Variants in PTPRO observed in about 807,000 individuals in gnomAD.
PTPRO encodes protein tyrosine phosphatase receptor type O.
PTPRO carries 62 observed loss-of-function variants against 145.2 expected under a neutral mutation model. The observed-to-expected ratio is 0.43, with a 90% CI of 0.35 to 0.53. The LOEUF is 0.53. Ranked by LOEUF, PTPRO falls within the 20% of genes least tolerant of loss-of-function variation. The pLI, the probability that PTPRO is intolerant of heterozygous loss-of-function variation, is 0.01. For synonymous variants in PTPRO, 565 were observed against 514.7 expected (o/e 1.10, Z -1.32); for missense variants, 1,345 against 1,482.7 (o/e 0.91, Z 1.53).
At chr12:15,512,102 T>A (rs1591668740) in intron 7 of PTPRO, among the ~76,000 whole-genome samples, 2 of 151,862 alleles carry the variant, frequency 1.3e-5, no homozygotes, top group Admixed American at 1.3e-4. Context: ...GAGCAATGTT[T>A]TTTTGTTTGT....
chr12:15,355,762 T>A (rs947145667), intron 1 of PTPRO, among the ~76,000 whole-genome samples: 1 of 152,230 alleles, frequency 6.6e-6, no homozygotes, highest in African/African-American at 2.4e-5. Context: ...GGGTTAAACA[T>A]CTTTGTAAGT....
chr12:15,554,117 A>G (rs10846206), intron 15 of PTPRO, among the ~76,000 whole-genome samples: 55,658 of 151,874 alleles, frequency 0.37, 10,272 homozygotes, highest in Middle Eastern at 0.5. Flanking sequence ...AGAGGTTGCG[A>G]TGAGCCGAGA....
chr12:15,511,843 C>A (rs1477418629), intron 7 of PTPRO, among the ~76,000 whole-genome samples: 1 of 152,142 alleles, frequency 6.6e-6, no homozygotes, highest in Non-Finnish European at 1.5e-5. Flanking sequence ...GGATTACAGG[C>A]GTGAGCCACC....
chr12:15,357,227 A>G (rs1295687478), intron 1 of PTPRO, among the ~76,000 whole-genome samples: 1 of 152,234 alleles, frequency 6.6e-6, no homozygotes, highest in Non-Finnish European at 1.5e-5. Flanking sequence ...TGCATGCCAA[A>G]GTATTCTGAC....
chr12:15,334,210 ATTGT>A (rs1006861124), intron 1 of PTPRO, among the ~76,000 whole-genome samples: 6 of 152,110 alleles, frequency 3.9e-5, no homozygotes, highest in East Asian at 1.9e-4. Flanking sequence ...TGGAAATTTT[ATTGT>A]TTATTTTTTT....
intron 2 of PTPRO, among the ~76,000 whole-genome samples, chr12:15,496,626 A>T (rs1360811746): frequency 6.6e-6 from 1 of 152,188 alleles, no homozygotes; most frequent in South Asian, 2.1e-4. Context: ...TGAACTACTC[A>T]AGCAAAATAG....
At position 15,594,946 on chromosome 12, in the gene PTPRO, A is replaced by C. The variant is rs1944628122; in HGVS notation, c.3556A>C (p.Ile1186Leu). ...MSMVQTEEQY[I>L]FIHQCVQLMW... ...TTGTCTTTTGTTCCAGGAGCAGTAC[A>C]TTTTTATCCATCAGTGTGTGCAACT... The change falls in exon 26 of 27, where the codon ATT becomes CTT. Residue 1186 changes from isoleucine (I) to leucine (L), a missense_variant. Ile to Leu is a conservative substitution (Grantham distance 5, BLOSUM62 2). Coordinates refer to ENST00000281171, the MANE Select transcript of PTPRO (RefSeq NM_030667.3). The C allele has an allele frequency of 1.9e-6, 3 of 1,613,448 alleles. No individual in the cohort carries two copies. The African/African-American group carries it at 4.0e-5, about 22-fold the overall frequency.
chr12:15,514,140 C>T (rs181712242), intron 7 of PTPRO, among the ~76,000 whole-genome samples: 5 of 152,062 alleles, frequency 3.3e-5, no homozygotes, highest in East Asian at 1.9e-4. Flanking sequence ...GTATTTGTTA[C>T]GTATCCAAAT....
intron 1 of PTPRO, among the ~76,000 whole-genome samples, chr12:15,436,926 G>A (rs934471023): frequency 2.0e-5 from 3 of 152,052 alleles, no homozygotes; most frequent in Admixed American, 6.5e-5. Context: ...TTGCAGCCAG[G>A]GCCAGCTTGG....
intron 1 of PTPRO, among the ~76,000 whole-genome samples, chr12:15,324,361 T>G (rs1313531245): frequency 6.6e-6 from 1 of 152,170 alleles, no homozygotes; most frequent in African/African-American, 2.4e-5. Flanking sequence ...AGAGAATGAC[T>G]TGGTTGGGAG....
intron 1 of PTPRO, among the ~76,000 whole-genome samples, chr12:15,399,817 G>A (rs1939439080): frequency 2.0e-5 from 3 of 151,836 alleles, no homozygotes. Flanking sequence ...TTGGGAGGCT[G>A]AGACAGGTGG....
At chr12:15,571,209 C>G (rs1181051565) in intron 19 of PTPRO, among the ~76,000 whole-genome samples, 1 of 152,094 alleles carries the variant, frequency 6.6e-6, no homozygotes, top group Non-Finnish European at 1.5e-5. Context: ...CAAAGAGAAA[C>G]AAAGAGAAAC....
chr12:15,377,212 A>G (rs974945741), intron 1 of PTPRO, among the ~76,000 whole-genome samples: 3 of 152,152 alleles, frequency 2.0e-5, no homozygotes, highest in Non-Finnish European at 4.4e-5. Flanking sequence ...AAAAGAAACA[A>G]CAAAATAATT....
At chr12:15,362,292 C>T (rs1424192705) in intron 1 of PTPRO, among the ~76,000 whole-genome samples, 1 of 152,154 alleles carries the variant, frequency 6.6e-6, no homozygotes, top group African/African-American at 2.4e-5. Context: ...TGAAGTGTAA[C>T]TCTGGTTGGA....
chr12:15,364,247 A>G (rs985642469), intron 1 of PTPRO, among the ~76,000 whole-genome samples: 1 of 152,218 alleles, frequency 6.6e-6, no homozygotes, highest in Non-Finnish European at 1.5e-5. Context: ...TACATTTACC[A>G]GAAAATAAAC....
Position 15,578,941 on chromosome 12 carries a change from C to A in PTPRO, c.2918C>A (p.Pro973Gln). 6.3e-7 allele frequency: 1 copy of A among 1,576,376 alleles called. No individual in the cohort carries two copies. Among genetic ancestry groups the A allele is most frequent in the Non-Finnish European group, 8.7e-7 (1 of 1,145,850 alleles). The change falls in exon 20 of 27, where the codon CCA becomes CAA. Residue 973 changes from proline to glutamine, a missense_variant and splice_region_variant. Transcript: ENST00000281171. ...AAAAACCGTTACACAAACATCCTAC[C>A]ATGTAAGATCGTCAATTGTGCCAAT... Reference protein sequence around the residue: ...RCKNRYTNILPYDFSRVRLVS... With the variant: ...RCKNRYTNILQYDFSRVRLVS...
intron 1 of PTPRO, among the ~76,000 whole-genome samples, chr12:15,463,014 A>C (rs988392707): frequency 2.0e-5 from 3 of 152,142 alleles, no homozygotes; most frequent in African/African-American, 7.2e-5. Flanking sequence ...TATTATTATA[A>C]ATTATGCACC....
intron 16 of PTPRO, among the ~76,000 whole-genome samples, chr12:15,558,121 A>G (rs1375542850): frequency 6.6e-6 from 1 of 151,924 alleles, no homozygotes; most frequent in Non-Finnish European, 1.5e-5. Flanking sequence ...ATTTGTAGAG[A>G]TGAGGTCTCA....
intron 1 of PTPRO, among the ~76,000 whole-genome samples, chr12:15,477,167 A>T (rs1941672610): frequency 1.5e-5 from 1 of 68,126 alleles, no homozygotes; most frequent in African/African-American, 5.8e-5. Context: ...AATACTATGC[A>T]GCCATAAAAA....
Sources: gnomAD v4.1 joint callset for allele counts (sites outside exome capture counted in the v4.1 genomes callset) on GRCh38, gnomAD v4.1.1 for gene constraint, MANE v1.5 for transcripts, NCBI Gene and HGNC (gene_info 2026-07-23, HGNC 2026-07-21) for gene names.